INTS13: variants seen among roughly 807,000 people sequenced by gnomAD.
The protein encoded by INTS13 is asunder, spermatogenesis regulator homolog (Drosphila).
INTS13 carries 35 observed loss-of-function variants against 90.2 expected under a neutral mutation model. That is an observed-to-expected ratio of 0.39 (90% CI 0.30 to 0.51). The LOEUF (loss-of-function observed/expected upper bound fraction) is 0.51, where lower values mean the gene tolerates loss of function less well. INTS13 is among the 20% of genes least tolerant of loss of function. The pLI is 0.80. For missense variants in INTS13, 601 were observed against 851.2 expected (o/e 0.71, Z 3.66); for synonymous variants, 309 against 277.1 (o/e 1.11, Z -1.14).
At chr12:26,923,843 C>A (rs1196910784) in intron 7 of INTS13, among the ~76,000 whole-genome samples, 4 of 152,074 alleles carry the variant, frequency 2.6e-5, no homozygotes, top group African/African-American at 7.2e-5. Context: ...AAAAGATCCA[C>A]TAGAATACAC....
In INTS13 at chr12:26,914,955, G is replaced by A. The variant is rs151002106; in HGVS notation, c.1249-377C>T. ...TAAAAACTACCTTGAGGTTGGGCAC[G>A]GTGGCTCACACCTGTAATCCCAACA... On this transcript the variant is annotated intron_variant, in intron 11 of 16. Coordinates refer to ENST00000261191, the MANE Select transcript of INTS13 (RefSeq NM_018164.3). 8.3e-4 allele frequency among the ~76,000 whole-genome samples: 126 copies of A among 152,200 alleles called. 1 individual carries two copies. The East Asian group carries it at 0.024, about 29-fold the overall frequency.
At chr12:26,911,450 C>CA (rs1366618526) in intron 14 of INTS13, 133 bp from the exon 15 acceptor site, 2 of 596,806 alleles carry the variant, frequency 3.4e-6, no homozygotes, top group Admixed American at 4.2e-5. Flanking sequence ...AGGGACTAAT[C>CA]AAAAATCTCA....
In INTS13 at chr12:26,934,643, A is replaced by T; in HGVS notation, c.226-13T>A. 1 of 1,587,956 alleles carries T rather than the reference A, an allele frequency of 6.3e-7. No homozygotes were observed. The highest frequency in any genetic ancestry group is 8.6e-7 in the Non-Finnish European group (1 of 1,157,342). On this transcript the variant is annotated splice_polypyrimidine_tract_variant and intron_variant, in intron 2 of 16. Transcript: ENST00000261191. ...CAATAAAATTCACCTAATAGATTCC[A>T]AAGAAACAATTAGTATTCAACTCTA...
intron 11 of INTS13, 91 bp from the exon 12 acceptor site, chr12:26,914,669 G>T: frequency 1.0e-6 from 1 of 994,086 alleles, no homozygotes; most frequent in East Asian, 2.7e-5. Flanking sequence ...GATGTCTTCT[G>T]TCCTGTGATG....
At chr12:26,935,292 A>C (rs916047828) in intron 2 of INTS13, among the ~76,000 whole-genome samples, 4 of 152,244 alleles carry the variant, frequency 2.6e-5, no homozygotes, top group Non-Finnish European at 5.9e-5. Flanking sequence ...ATGACAAAGA[A>C]CATTTTGGAA....
intron 5 of INTS13, 79 bp downstream of exon 5, chr12:26,928,126 C>G: frequency 9.8e-7 from 1 of 1,017,850 alleles, no homozygotes; most frequent in South Asian, 1.9e-5. Flanking sequence ...GGAAACGCTA[C>G]CAGTCAAGTT....
chr12:26,929,001 T>C (rs547737154), intron 3 of INTS13, 96 bp from the exon 4 acceptor site: 3 of 1,068,986 alleles, frequency 2.8e-6, no homozygotes, highest in South Asian at 1.5e-5. Context: ...GTATCTTACA[T>C]ATATGGACAT....
chr12:26,921,090 C>T (rs1195695377), intron 8 of INTS13, among the ~76,000 whole-genome samples: 3 of 152,220 alleles, frequency 2.0e-5, no homozygotes, highest in African/African-American at 7.2e-5. Flanking sequence ...TACTACAGCT[C>T]ATCTAATCCA....
chr12:26,911,438 C>CTAGGG, intron 14 of INTS13, 121 bp from the exon 15 acceptor site: 1 of 720,276 alleles, frequency 1.4e-6, no homozygotes, highest in Non-Finnish European at 2.0e-6. Context: ...TAAAATAAAC[C>CTAGGG]TAGGGACTAA....
At chr12:26,918,604 T>G (rs1198475903) in intron 8 of INTS13, among the ~76,000 whole-genome samples, 1 of 152,226 alleles carries the variant, frequency 6.6e-6, no homozygotes, top group Non-Finnish European at 1.5e-5. Context: ...AGAAAAAGCT[T>G]AAGGAATCTA....
At chr12:26,931,057 C>G (rs1235537702) in intron 3 of INTS13, among the ~76,000 whole-genome samples, 1 of 151,800 alleles carries the variant, frequency 6.6e-6, no homozygotes, top group East Asian at 1.9e-4. Context: ...CATTTTAAGA[C>G]CAAACAGTAT....
chr12:26,907,794 A>G (rs543882080), intron 15 of INTS13, among the ~76,000 whole-genome samples: 15 of 152,360 alleles, frequency 9.8e-5, no homozygotes, highest in African/African-American at 3.6e-4. Context: ...TTCACCCAAG[A>G]AGACAGACAA....
intron 3 of INTS13, among the ~76,000 whole-genome samples, chr12:26,934,342 G>C (rs552277917): frequency 6.6e-6 from 1 of 152,270 alleles, no homozygotes; most frequent in South Asian, 2.1e-4. Flanking sequence ...TTAGAAATCT[G>C]GAAGTAAATA....
chr12:26,910,474 G>A (rs774444484), intron 15 of INTS13, among the ~76,000 whole-genome samples: 2 of 152,118 alleles, frequency 1.3e-5, no homozygotes, highest in Admixed American at 6.5e-5. Flanking sequence ...TTTCCATGCT[G>A]TTCTCGTGAT....
chr12:26,911,655 AAAT>A (rs1369748210), intron 14 of INTS13, among the ~76,000 whole-genome samples: 2 of 152,224 alleles, frequency 1.3e-5, no homozygotes, highest in Admixed American at 6.5e-5. Flanking sequence ...GATAGGAACA[AAAT>A]AACACTGAAT....
At chr12:26,923,801 A>C (rs974908941) in intron 7 of INTS13, among the ~76,000 whole-genome samples, 7 of 152,216 alleles carry the variant, frequency 4.6e-5, no homozygotes, top group Non-Finnish European at 7.3e-5. Flanking sequence ...ACACCTTTAT[A>C]CTGGGTGGGC....
intron 3 of INTS13, among the ~76,000 whole-genome samples, chr12:26,930,878 G>A (rs988429646): frequency 6.6e-6 from 1 of 152,084 alleles, no homozygotes; most frequent in African/African-American, 2.4e-5. Flanking sequence ...AAAAAAGTAA[G>A]GTGGAAACGT....
chr12:26,924,599 G>A, intron 6 of INTS13, 116 bp from the exon 7 acceptor site: 11 of 1,088,644 alleles, frequency 1.0e-5, no homozygotes, highest in East Asian at 5.7e-5. Context: ...TTTAGAAGTT[G>A]GAAAAAAAGG....
In INTS13 at chr12:26,928,724, A is replaced by T; in HGVS notation, c.482T>A (p.Ile161Asn). Reference protein sequence around the residue: ...AERVGNRGRIICITNAKSDSH... With the variant: ...AERVGNRGRINCITNAKSDSH... Reference sequence around the variant, plus strand: ...TCACCTTTTTGCATTAGTAATACAGATTATTCGTCCTCTATTTCCAACACG... The same window carrying T: ...TCACCTTTTTGCATTAGTAATACAGTTTATTCGTCCTCTATTTCCAACACG... Residue 161 changes from isoleucine to asparagine, a missense_variant, in exon 4 of 17, where the codon ATC becomes AAC. Transcript: ENST00000261191. 6.2e-7 allele frequency: 1 copy of T among 1,614,050 alleles called. No homozygotes were observed. Among genetic ancestry groups the T allele is most frequent in the Non-Finnish European group, 8.5e-7 (1 of 1,180,024 alleles).
Sources: allele counts gnomAD v4.1 joint callset (sites outside exome capture counted in the v4.1 genomes callset), GRCh38; gene constraint gnomAD v4.1.1; transcripts MANE v1.5; gene names NCBI Gene and HGNC (gene_info 2026-07-23, HGNC 2026-07-21).